The following CTNNA3 variants were observed in gnomAD, a reference collection of about 807,000 sequenced individuals.
CTNNA3 encodes catenin alpha-3.
CTNNA3 carries 76 observed loss-of-function variants against 95.7 expected under a neutral mutation model. The ratio of observed to expected loss-of-function variants is 0.79; its 90% CI spans 0.66 to 0.96. The LOEUF (loss-of-function observed/expected upper bound fraction) is 0.96. CTNNA3 is among the 40% of genes least tolerant of loss of function. The pLI, the probability that CTNNA3 is intolerant of heterozygous loss-of-function variation, is 0.00. For missense variants in CTNNA3, 1,191 were observed against 1,089.8 expected (o/e 1.09, Z -1.31); for synonymous variants, 431 against 374.4 (o/e 1.15, Z -1.74).
In CTNNA3 at chr10:66,411,460, T is replaced by C. The variant is rs117220518; in HGVS notation, c.1532-32108A>G. On this transcript the variant is annotated intron_variant, in intron 11 of 17. Coordinates refer to ENST00000433211, the MANE Select transcript of CTNNA3 (RefSeq NM_013266.4). ...ATTATATAAATATTTTTAGAAACTA[T>C]TGTCAATATAGTAATTATGAATATG... is the stretch of plus-strand genomic sequence containing the variant. Among the ~76,000 whole-genome samples the C allele has an allele frequency of 9.0e-3, 1,364 of 152,040 alleles. 13 individuals are homozygous for C. The highest frequency in any genetic ancestry group is 0.027 in the Middle Eastern group (8 of 294).
At chr10:66,659,128 C>T (rs1846167935) in intron 9 of CTNNA3, among the ~76,000 whole-genome samples, 1 of 151,140 alleles carries the variant, frequency 6.6e-6, no homozygotes, top group Non-Finnish European at 1.5e-5. Context: ...AGAAAATTTT[C>T]CATACCTTAT....
chr10:67,453,604 T>C (rs1329216126), intron 5 of CTNNA3, among the ~76,000 whole-genome samples: 1 of 152,200 alleles, frequency 6.6e-6, no homozygotes, highest in Non-Finnish European at 1.5e-5. Context: ...TCAAACCAGA[T>C]GATGCATCCA....
At chr10:67,419,781 A>G in intron 5 of CTNNA3, among the ~76,000 whole-genome samples, 1 of 152,214 alleles carries the variant, frequency 6.6e-6, no homozygotes, top group East Asian at 1.9e-4. Flanking sequence ...ACACCAGTAC[A>G]GTAGCTATAT....
At chr10:67,311,818 A>G (rs1840814122) in intron 5 of CTNNA3, among the ~76,000 whole-genome samples, 1 of 152,120 alleles carries the variant, frequency 6.6e-6, no homozygotes, top group South Asian at 2.1e-4. Context: ...AGTAAATTTT[A>G]TTGAATACTG....
intron 1 of CTNNA3, among the ~76,000 whole-genome samples, chr10:67,692,915 G>C (rs978565596): frequency 2.0e-5 from 3 of 152,132 alleles, no homozygotes; most frequent in Admixed American, 6.5e-5. Context: ...TCCAGTATTT[G>C]AGAGACTTTC....
intron 9 of CTNNA3, among the ~76,000 whole-genome samples, chr10:66,707,887 C>T (rs1400670190): frequency 6.6e-6 from 1 of 152,068 alleles, no homozygotes; most frequent in Non-Finnish European, 1.5e-5. Flanking sequence ...GTTTTGAAAT[C>T]CACTTAAACC....
chr10:66,778,696 G>A (rs1045069479), intron 7 of CTNNA3, among the ~76,000 whole-genome samples: 1 of 152,078 alleles, frequency 6.6e-6, no homozygotes, highest in Non-Finnish European at 1.5e-5. Context: ...AAAATTCTGG[G>A]CCGAGTGCGG....
intron 9 of CTNNA3, among the ~76,000 whole-genome samples, chr10:66,731,169 A>G (rs1249097175): frequency 6.6e-6 from 1 of 152,196 alleles, no homozygotes; most frequent in East Asian, 1.9e-4. Context: ...CTAATTGTAC[A>G]TTTACCAGAA....
At chr10:67,684,539 C>G (rs1310003257) in intron 1 of CTNNA3, among the ~76,000 whole-genome samples, 2 of 152,188 alleles carry the variant, frequency 1.3e-5, no homozygotes, top group Admixed American at 1.3e-4. Context: ...ACAGGACACC[C>G]CAACTGCTTT....
chr10:67,762,475 G>C (rs1219056914), intron 1 of CTNNA3, among the ~76,000 whole-genome samples: 2 of 150,994 alleles, frequency 1.3e-5, no homozygotes, highest in Non-Finnish European at 2.9e-5. Flanking sequence ...CGAGTGAAGA[G>C]GATTCTTTAA....
intron 5 of CTNNA3, among the ~76,000 whole-genome samples, chr10:67,259,974 T>C (rs1204667373): frequency 1.3e-5 from 2 of 152,200 alleles, no homozygotes; most frequent in Non-Finnish European, 2.9e-5. Flanking sequence ...TATATGTTAG[T>C]ATAATCCATT....
intron 12 of CTNNA3, among the ~76,000 whole-genome samples, chr10:66,323,838 A>G (rs183359059): frequency 7.9e-5 from 12 of 152,094 alleles, no homozygotes; most frequent in African/African-American, 2.6e-4. Flanking sequence ...AGATGAGGAT[A>G]TAAGACAAGC....
intron 5 of CTNNA3, among the ~76,000 whole-genome samples, chr10:67,336,374 A>G (rs1278316838): frequency 6.6e-6 from 1 of 152,240 alleles, no homozygotes; most frequent in African/African-American, 2.4e-5. Flanking sequence ...ATGAAGGCTC[A>G]GAGAAGTAAG....
intron 5 of CTNNA3, among the ~76,000 whole-genome samples, chr10:67,236,896 T>G (rs1865488704): frequency 6.6e-6 from 1 of 151,006 alleles, no homozygotes; most frequent in Non-Finnish European, 1.5e-5. Flanking sequence ...TGTAAACTAG[T>G]ACAGCCACTA....
chr10:67,200,654 C>T (rs971553605), intron 6 of CTNNA3, among the ~76,000 whole-genome samples: 1 of 152,148 alleles, frequency 6.6e-6, no homozygotes, highest in Non-Finnish European at 1.5e-5. Context: ...CCATGACCTG[C>T]AAAGATGCCC....
At chr10:66,630,672 C>A (rs1377823104) in intron 9 of CTNNA3, among the ~76,000 whole-genome samples, 1 of 152,102 alleles carries the variant, frequency 6.6e-6, no homozygotes, top group African/African-American at 2.4e-5. Context: ...GAGCTCTGAT[C>A]TCCCCATGTT....
At chr10:66,895,433 A>T (rs997572805) in intron 7 of CTNNA3, among the ~76,000 whole-genome samples, 7 of 152,166 alleles carry the variant, frequency 4.6e-5, no homozygotes, top group African/African-American at 1.7e-4. Context: ...ATCAAGAAAG[A>T]TTTGTTCATT....
intron 13 of CTNNA3, among the ~76,000 whole-genome samples, chr10:66,250,663 T>TCAGTGGCACTTAC (rs1325066161): frequency 6.6e-6 from 1 of 152,094 alleles, no homozygotes; most frequent in Non-Finnish European, 1.5e-5. Flanking sequence ...TTTATCATTA[T>TCAGTGGCACTTAC]CAGTGGTGTC....
At chr10:66,031,337 A>G (rs943767327) in intron 15 of CTNNA3, among the ~76,000 whole-genome samples, 7 of 152,248 alleles carry the variant, frequency 4.6e-5, no homozygotes, top group African/African-American at 1.7e-4. Context: ...GATGAAGAAC[A>G]TATGGTTCAT....
Sources: gnomAD v4.1 joint callset for allele counts (sites outside exome capture counted in the v4.1 genomes callset) on GRCh38, gnomAD v4.1.1 for gene constraint, MANE v1.5 for transcripts, NCBI Gene and HGNC (gene_info 2026-07-23, HGNC 2026-07-21) for gene names.